Variants in CCDC141 observed in about 807,000 individuals in gnomAD.
CCDC141 encodes the protein coiled-coil domain containing 141.
A neutral mutation model predicts 181.0 loss-of-function variants in CCDC141; 168 were observed. The ratio of observed to expected loss-of-function variants is 0.93; its 90% CI spans 0.82 to 1.05. CCDC141 has a LOEUF of 1.05. Among genes scored for constraint, CCDC141 ranks in the 50% least tolerant of loss-of-function variants. CCDC141 has a pLI of 0.00. For missense variants in CCDC141, 1,902 were observed against 1,788.5 expected (o/e 1.06, Z -1.14); for synonymous variants, 666 against 642.3 (o/e 1.04, Z -0.56).
At chr2:178,951,747 C>T (rs541882236) in intron 5 of CCDC141, among the ~76,000 whole-genome samples, 1 of 152,174 alleles carries the variant, frequency 6.6e-6, no homozygotes, top group East Asian at 1.9e-4. Context: ...AAAAGGAGAC[C>T]CACAGGCAGC....
chr2:178,920,900 G>A (rs1688661456), intron 6 of CCDC141, among the ~76,000 whole-genome samples: 1 of 152,058 alleles, frequency 6.6e-6, no homozygotes, highest in East Asian at 1.9e-4. Flanking sequence ...ATTATTTGAA[G>A]TATCAGTTAT....
chr2:178,984,273 T>G (rs1424018661), intron 2 of CCDC141, among the ~76,000 whole-genome samples: 2 of 146,294 alleles, frequency 1.4e-5, no homozygotes, highest in Non-Finnish European at 1.5e-5. Flanking sequence ...GCTGAGAGAT[T>G]TTGTCACCAC....
At chr2:179,015,454 A>ACCATATCTCATATATGTG (rs2042464832) in intron 2 of CCDC141, among the ~76,000 whole-genome samples, 1 of 97,114 alleles carries the variant, frequency 1.0e-5, no homozygotes, top group Non-Finnish European at 2.0e-5. Flanking sequence ...TCATATATGT[A>ACCATATCTCATATATGTG]CCATATATAT....
At chr2:178,900,177 T>G (rs1243182434) in intron 8 of CCDC141, among the ~76,000 whole-genome samples, 1 of 152,202 alleles carries the variant, frequency 6.6e-6, no homozygotes, top group African/African-American at 2.4e-5. Flanking sequence ...TGCTAATGAT[T>G]TTCTTAAACC....
At chr2:178,913,549 A>G (rs1316025742) in intron 7 of CCDC141, among the ~76,000 whole-genome samples, 1 of 152,226 alleles carries the variant, frequency 6.6e-6, no homozygotes, top group Non-Finnish European at 1.5e-5. Flanking sequence ...AAAGTATACA[A>G]ATTCCATGCT....
chr2:178,903,836 C>G (rs1417402489), intron 8 of CCDC141, among the ~76,000 whole-genome samples: 1 of 151,880 alleles, frequency 6.6e-6, no homozygotes, highest in Non-Finnish European at 1.5e-5. Context: ...AAAGAGTAGC[C>G]TGACCAGAGA....
chr2:178,907,136 T>C (rs926756883), intron 7 of CCDC141, among the ~76,000 whole-genome samples: 1 of 152,238 alleles, frequency 6.6e-6, no homozygotes, highest in African/African-American at 2.4e-5. Flanking sequence ...AAGAACGGAC[T>C]ACATGCTTGC....
At chr2:179,027,275 G>T (rs1233369725) in intron 2 of CCDC141, among the ~76,000 whole-genome samples, 2 of 152,152 alleles carry the variant, frequency 1.3e-5, no homozygotes, top group South Asian at 4.1e-4. Context: ...GGAAGTGATT[G>T]CATTATGAAG....
chr2:178,881,521 T>C (rs986158059), intron 11 of CCDC141, among the ~76,000 whole-genome samples: 4 of 152,136 alleles, frequency 2.6e-5, no homozygotes, highest in African/African-American at 4.8e-5. Flanking sequence ...ACTGAAAATA[T>C]GCCACTTAAT....
chr2:178,824,791 C>G (rs1684094575), downstream of CCDC141, among the ~76,000 whole-genome samples: 1 of 152,008 alleles, frequency 6.6e-6, no homozygotes, highest in African/African-American at 2.4e-5. Context: ...TGCAATTATA[C>G]AATGTATTGA....
At chr2:179,041,058 G>T (rs2043284350) in intron 2 of CCDC141, among the ~76,000 whole-genome samples, 1 of 147,298 alleles carries the variant, frequency 6.8e-6, no homozygotes, top group South Asian at 2.1e-4. Context: ...TTCTGCTGTT[G>T]TTTTGTTTGT....
chr2:178,908,785 T>C (rs1688094387), intron 7 of CCDC141, among the ~76,000 whole-genome samples: 1 of 152,214 alleles, frequency 6.6e-6, no homozygotes, highest in African/African-American at 2.4e-5. Context: ...TGCCTACACA[T>C]TTAACCCCAT....
chr2:178,888,251 T>C (rs1686978099), intron 9 of CCDC141, among the ~76,000 whole-genome samples: 2 of 152,354 alleles, frequency 1.3e-5, no homozygotes, highest in South Asian at 4.1e-4. Context: ...TATTCCCATC[T>C]GTACTTGGTT....
chr2:178,982,472 C>T (rs989025017), intron 2 of CCDC141, among the ~76,000 whole-genome samples: 8 of 152,128 alleles, frequency 5.3e-5, no homozygotes, highest in African/African-American at 1.9e-4. Context: ...CCAAGATGGC[C>T]GAACAGGAAC....
At chr2:178,971,642 T>C (rs970419263) in intron 4 of CCDC141, among the ~76,000 whole-genome samples, 2 of 152,186 alleles carry the variant, frequency 1.3e-5, no homozygotes, top group African/African-American at 4.8e-5. Flanking sequence ...TGCGGTACTA[T>C]TCACAATAGC....
At chr2:178,985,979 C>T (rs1373870322) in intron 2 of CCDC141, among the ~76,000 whole-genome samples, 1 of 152,194 alleles carries the variant, frequency 6.6e-6, no homozygotes, top group East Asian at 1.9e-4. Flanking sequence ...AGGCCAGCAT[C>T]ATTCGGATAC....
chr2:178,951,712 C>T (rs576036839), intron 5 of CCDC141, among the ~76,000 whole-genome samples: 13 of 152,178 alleles, frequency 8.5e-5, no homozygotes, highest in African/African-American at 1.4e-4. Context: ...ACCAGGGGTA[C>T]GGAAGGAAAA....
chr2:178,868,015 T>G lies in CCDC141; in HGVS notation c.2574+11A>C, dbSNP rs762536007. 1.3e-6 allele frequency: 2 copies of G among 1,597,596 alleles called. No individual in the cohort carries two copies. The highest frequency in any genetic ancestry group is 2.7e-5 in the African/African-American group (2 of 74,660). Reference sequence around the variant, plus strand: ...AACTGAGTCTAAATGATAGTGTTATTAGATGCTTACAGGCCGCTGCACTGA... The same window carrying G: ...AACTGAGTCTAAATGATAGTGTTATGAGATGCTTACAGGCCGCTGCACTGA... On this transcript the variant is annotated intron_variant, in intron 16 of 23. Transcript: ENST00000443758.
chr2:178,885,736 A>G (rs959414555), intron 10 of CCDC141, among the ~76,000 whole-genome samples: 6 of 152,226 alleles, frequency 3.9e-5, no homozygotes, highest in Non-Finnish European at 7.3e-5. Context: ...CATGACGATT[A>G]TGCATGTCAT....
Sources: gnomAD v4.1 joint callset for allele counts (sites outside exome capture counted in the v4.1 genomes callset) on GRCh38, gnomAD v4.1.1 for gene constraint, MANE v1.5 for transcripts, NCBI Gene and HGNC (gene_info 2026-07-23, HGNC 2026-07-21) for gene names.